Variants in MAP3K15 observed in about 807,000 individuals in gnomAD.
MAP3K15 encodes mitogen-activated protein kinase kinase kinase 15, also known as MAPK/ERK kinase kinase 15.
MAP3K15 carries 124 observed loss-of-function variants against 99.5 expected under a neutral mutation model. The ratio of observed to expected loss-of-function variants is 1.25; its 90% CI spans 1.08 to 1.45. The LOEUF (loss-of-function observed/expected upper bound fraction) is 1.45, where lower values mean the gene tolerates loss of function less well. Ranked by LOEUF, MAP3K15 falls within the 40% of genes most tolerant of loss-of-function variation. The pLI is 0.00. For synonymous variants in MAP3K15, 494 were observed against 439.6 expected (o/e 1.12, Z -1.55); for missense variants, 1,242 against 1,079.7 (o/e 1.15, Z -2.11).
intron 9 of MAP3K15, among the ~76,000 whole-genome samples, chrX:19,416,678 A>G (rs995877029): frequency 4.4e-5 from 5 of 112,467 alleles, no homozygotes; most frequent in African/African-American, 1.6e-4. Context: ...TAGGAGAAAC[A>G]GAAAAGGAAA....
intron 3 of MAP3K15, among the ~76,000 whole-genome samples, chrX:19,474,647 A>G (rs779621702): frequency 1.8e-5 from 2 of 109,560 alleles, no homozygotes; most frequent in Non-Finnish European, 3.8e-5. Flanking sequence ...AATGTAGGTA[A>G]CATACCCTAG....
At chrX:19,488,720 C>A in intron 2 of MAP3K15, 108 bp downstream of exon 2, 1 of 784,017 alleles carries the variant, frequency 1.3e-6, no homozygotes. Flanking sequence ...ATTGCACAAG[C>A]AAGTCTTTGT....
intron 9 of MAP3K15, among the ~76,000 whole-genome samples, chrX:19,420,395 A>T (rs1456626249): frequency 8.9e-6 from 1 of 111,947 alleles, no homozygotes; most frequent in Non-Finnish European, 1.9e-5. Context: ...ACCATCAGAG[A>T]ATACTACAAA....
At chrX:19,386,103 G>T (rs944290665) in intron 18 of MAP3K15, among the ~76,000 whole-genome samples, 2 of 112,024 alleles carry the variant, frequency 1.8e-5, no homozygotes, top group Non-Finnish European at 1.9e-5. Flanking sequence ...ACCAAGTGAA[G>T]ATGGCATTGT....
chrX:19,428,280 C>A (rs1209070604), intron 7 of MAP3K15, among the ~76,000 whole-genome samples: 2 of 112,065 alleles, frequency 1.8e-5, no homozygotes, highest in Non-Finnish European at 3.8e-5. Context: ...ACCGCCACCA[C>A]CTTCTGAAGC....
At chrX:19,387,963 C>T (rs1279044919) in intron 18 of MAP3K15, among the ~76,000 whole-genome samples, 1 of 112,007 alleles carries the variant, frequency 8.9e-6, no homozygotes, top group Non-Finnish European at 1.9e-5. Flanking sequence ...GCCAGGCCCA[C>T]AGCACGCAAA....
intron 5 of MAP3K15, among the ~76,000 whole-genome samples, chrX:19,458,162 G>A (rs16981174): frequency 0.025 from 2,830 of 111,885 alleles, 89 homozygotes; most frequent in African/African-American, 0.088. Context: ...GTGGCTCTGC[G>A]CCTTGATGCT....
At chrX:19,405,786 G>T (rs955931442) in intron 13 of MAP3K15, among the ~76,000 whole-genome samples, 5 of 112,243 alleles carry the variant, frequency 4.5e-5, no homozygotes, top group Admixed American at 1.9e-4. Context: ...ATAACCATAT[G>T]CATAGAGCGA....
At chrX:19,486,775 T>C (rs2064329155) in intron 2 of MAP3K15, among the ~76,000 whole-genome samples, 1 of 111,418 alleles carries the variant, frequency 9.0e-6, no homozygotes, top group Non-Finnish European at 1.9e-5. Context: ...TTTATAAGGA[T>C]TTCCCCAGAA....
intron 3 of MAP3K15, among the ~76,000 whole-genome samples, chrX:19,470,660 C>T (rs980882459): frequency 3.6e-5 from 4 of 111,319 alleles, no homozygotes; most frequent in South Asian, 3.8e-4. Flanking sequence ...CAACATGCCC[C>T]GGAGGCAGAA....
chrX:19,505,680 G>A (rs2064471498), intron 1 of MAP3K15, among the ~76,000 whole-genome samples: 1 of 110,760 alleles, frequency 9.0e-6, no homozygotes, highest in Admixed American at 9.6e-5. Flanking sequence ...AGTCTACATA[G>A]ACTCAAAGGA....
At chrX:19,514,336 A>G (rs1283193348) in intron 1 of MAP3K15, among the ~76,000 whole-genome samples, 1 of 105,153 alleles carries the variant, frequency 9.5e-6, no homozygotes, top group South Asian at 4.5e-4. Context: ...AAGTTGGATA[A>G]CTTGGGAGAA....
Position 19,371,425 on chromosome X carries a change from A to G in MAP3K15, c.3214T>C (p.Ser1072Pro), listed in dbSNP as rs200245250. 4.0e-5 allele frequency: 48 copies of G among 1,209,519 alleles called. No homozygotes were observed. Among genetic ancestry groups the G allele is most frequent in the Non-Finnish European group, 5.3e-5 (47 of 894,937 alleles). The change falls in exon 23 of 29, where the codon TCA becomes CCA. Residue 1072 changes from serine to proline, a missense_variant. By Grantham distance (74) the Ser-to-Pro change is moderately conservative. Transcript: ENST00000338883. ...PEHRVMATTI[S>P]KLKVDLDFDS... ...AAGTCCAGGTCCACCTTGAGCTTTG[A>G]TATTGTGGTCGCCATCACCCGGTGC...
chrX:19,380,353 C>G lies in MAP3K15; in HGVS notation c.2432-76G>C, dbSNP rs1034022335. The G allele has an allele frequency of 1.6e-5, 17 of 1,081,135 alleles. No homozygotes were observed. The African/African-American group carries it at 2.8e-4, about 18-fold the overall frequency. 89.1% of individuals were successfully genotyped at this position (1,081,135 alleles called of 1,213,427 possible). Reference sequence around the variant, plus strand: ...TAAGTGGCCTGTAGTCCCAGCTACTCGGGAGGCTGAGGCAGGAGGATCACC... The same window carrying G: ...TAAGTGGCCTGTAGTCCCAGCTACTGGGGAGGCTGAGGCAGGAGGATCACC... On this transcript the variant is annotated intron_variant, in intron 18 of 28. Transcript: ENST00000338883.
At chrX:19,408,505 C>T (rs962918944) in intron 12 of MAP3K15, 6 of 172,653 alleles carry the variant, frequency 3.5e-5, no homozygotes, top group African/African-American at 1.3e-4. Context: ...ATACAAAAAT[C>T]AGCCAGGCAT....
chrX:19,502,544 C>G (rs1206512188), intron 1 of MAP3K15, among the ~76,000 whole-genome samples: 1 of 111,840 alleles, frequency 8.9e-6, no homozygotes, highest in African/African-American at 3.3e-5. Context: ...TGGGGCCAGG[C>G]ACAGTGGCTC....
chrX:19,486,567 T>C (rs1219329704), intron 2 of MAP3K15, 62 bp from the exon 3 acceptor site: 2 of 489,766 alleles, frequency 4.1e-6, no homozygotes, highest in Non-Finnish European at 6.2e-6. Context: ...CCATAAGCAT[T>C]AGCCAGCACT....
chrX:19,447,176 A>G (rs2064004351), intron 6 of MAP3K15, among the ~76,000 whole-genome samples: 1 of 111,431 alleles, frequency 9.0e-6, no homozygotes, highest in African/African-American at 3.3e-5. Context: ...TTACAGGTGC[A>G]AGCCACTGTG....
At chrX:19,411,112 A>G (rs746898053) in intron 11 of MAP3K15, among the ~76,000 whole-genome samples, 1 of 109,612 alleles carries the variant, frequency 9.1e-6, no homozygotes, top group Non-Finnish European at 1.9e-5. Context: ...TGAACCTGGG[A>G]GGCAGAGGTT....
Sources: gnomAD v4.1 joint callset for allele counts (sites outside exome capture counted in the v4.1 genomes callset) on GRCh38, gnomAD v4.1.1 for gene constraint, MANE v1.5 for transcripts, NCBI Gene and HGNC (gene_info 2026-07-23, HGNC 2026-07-21) for gene names.